PPFIA2: variants seen among roughly 807,000 people sequenced by gnomAD.
PPFIA2 encodes PPFI scaffold protein A2.
In PPFIA2, 46 loss-of-function variants were observed where a neutral mutation model predicts 175.5. The observed-to-expected ratio is 0.26, with a 90% CI of 0.21 to 0.34. The LOEUF is 0.34. Among genes scored for constraint, PPFIA2 ranks in the 10% least tolerant of loss-of-function variants. PPFIA2 has a pLI of 1.00. For synonymous variants in PPFIA2, 568 were observed against 511.4 expected, an observed-to-expected ratio of 1.11 and a Z score of -1.49; for missense variants, 1,179 against 1,506.1, an observed-to-expected ratio of 0.78 and a Z score of 3.60.
At chr12:81,724,179 A>AT (rs1341897524) in intron 3 of PPFIA2, among the ~76,000 whole-genome samples, 2 of 150,954 alleles carry the variant, frequency 1.3e-5, no homozygotes, top group Non-Finnish European at 3.0e-5. Context: ...CATATTTGAC[A>AT]TTGTTAATAG....
intron 3 of PPFIA2, among the ~76,000 whole-genome samples, chr12:81,710,598 G>T (rs977272651): frequency 6.6e-6 from 1 of 151,890 alleles, no homozygotes; most frequent in Non-Finnish European, 1.5e-5. Context: ...TAGGATTTTG[G>T]AATATTTACA....
At chr12:81,298,966 T>C (rs2047149521) in intron 23 of PPFIA2, among the ~76,000 whole-genome samples, 1 of 152,150 alleles carries the variant, frequency 6.6e-6, no homozygotes, top group Non-Finnish European at 1.5e-5. Flanking sequence ...GGGTCTTCTC[T>C]GTAACCTGCT....
At chr12:81,701,260 CTAAGTGTAGCTGCTG>C (rs1250803052) in intron 3 of PPFIA2, among the ~76,000 whole-genome samples, 1 of 152,140 alleles carries the variant, frequency 6.6e-6, no homozygotes. Flanking sequence ...TCACCTATAA[CTAAGTGTAGCTGCTG>C]TAACTGCTGC....
chr12:81,538,722 G>T (rs964832733), intron 4 of PPFIA2, among the ~76,000 whole-genome samples: 1 of 151,834 alleles, frequency 6.6e-6, no homozygotes, highest in Non-Finnish European at 1.5e-5. Flanking sequence ...CAGGATGGGG[G>T]CTGGTGCAGA....
intron 15 of PPFIA2, among the ~76,000 whole-genome samples, chr12:81,360,477 C>G (rs1444961675): frequency 6.6e-6 from 1 of 151,710 alleles, no homozygotes. Context: ...TTGTCCTTTC[C>G]AATTACCCAG....
At chr12:81,387,267 T>A (rs1035980943) in intron 8 of PPFIA2, among the ~76,000 whole-genome samples, 9 of 152,196 alleles carry the variant, frequency 5.9e-5, no homozygotes, top group African/African-American at 2.2e-4. Context: ...TTTATTTTAA[T>A]GTGACACTGA....
intron 17 of PPFIA2, 103 bp downstream of exon 17, chr12:81,353,016 A>T: frequency 1.0e-6 from 1 of 980,616 alleles, no homozygotes; most frequent in Non-Finnish European, 1.6e-6. Flanking sequence ...CAGATCTATT[A>T]AGCTCCCAGT....
At chr12:81,617,188 A>G (rs1392558799) in intron 4 of PPFIA2, among the ~76,000 whole-genome samples, 1 of 152,216 alleles carries the variant, frequency 6.6e-6, no homozygotes, top group Non-Finnish European at 1.5e-5. Flanking sequence ...CTCAAAAGAA[A>G]AGAAAAAACT....
At chr12:81,267,193 C>A (rs1593401698) in intron 29 of PPFIA2, 173 bp from the exon 30 acceptor site, 4 of 580,472 alleles carry the variant, frequency 6.9e-6, no homozygotes, top group Non-Finnish European at 9.2e-6. Context: ...ACAAAAAAAA[C>A]AGGGCTTTTT....
chr12:81,687,059 C>A (rs966409648), intron 3 of PPFIA2, among the ~76,000 whole-genome samples: 3 of 152,040 alleles, frequency 2.0e-5, no homozygotes, highest in Non-Finnish European at 1.5e-5. Context: ...TCGGCTGCAT[C>A]TGAAACTGTT....
At chr12:81,541,863 G>C (rs1211981206) in intron 4 of PPFIA2, among the ~76,000 whole-genome samples, 1 of 152,040 alleles carries the variant, frequency 6.6e-6, no homozygotes, top group East Asian at 1.9e-4. Flanking sequence ...ACTGATGCTG[G>C]GAGCCAGGCT....
At chr12:81,542,767 G>A (rs575406088) in intron 4 of PPFIA2, among the ~76,000 whole-genome samples, 6 of 152,010 alleles carry the variant, frequency 3.9e-5, no homozygotes, top group Non-Finnish European at 7.4e-5. Context: ...AGCCAGGAAT[G>A]TCTTTTTCAG....
intron 8 of PPFIA2, among the ~76,000 whole-genome samples, chr12:81,397,665 A>T (rs1431174027): frequency 3.3e-5 from 5 of 151,960 alleles, no homozygotes; most frequent in Non-Finnish European, 7.4e-5. Context: ...AACTTTGTAT[A>T]TTATAAGAAT....
At chr12:81,408,473 T>C (rs917800457) in intron 7 of PPFIA2, among the ~76,000 whole-genome samples, 5 of 152,154 alleles carry the variant, frequency 3.3e-5, no homozygotes, top group Admixed American at 1.3e-4. Flanking sequence ...AATTTAACTC[T>C]CAGCTTACAG....
intron 2 of PPFIA2, among the ~76,000 whole-genome samples, chr12:81,755,074 T>C (rs1294434095): frequency 1.3e-5 from 2 of 152,228 alleles, no homozygotes; most frequent in African/African-American, 4.8e-5. Context: ...CTCTTTCAAA[T>C]ATTCCGCAAA....
chr12:81,566,293 G>A (rs2071263335), intron 4 of PPFIA2, among the ~76,000 whole-genome samples: 1 of 152,092 alleles, frequency 6.6e-6, no homozygotes, highest in Non-Finnish European at 1.5e-5. Flanking sequence ...GGAGGCTGAG[G>A]CAGGTAGAGC....
intron 4 of PPFIA2, among the ~76,000 whole-genome samples, chr12:81,629,502 C>T (rs1361535424): frequency 6.6e-6 from 1 of 152,076 alleles, no homozygotes; most frequent in African/African-American, 2.4e-5. Context: ...CCCTCTCTTC[C>T]ACAGATTCAG....
chr12:81,665,732 A>G (rs1274635465), intron 4 of PPFIA2, among the ~76,000 whole-genome samples: 1 of 152,046 alleles, frequency 6.6e-6, no homozygotes, highest in Non-Finnish European at 1.5e-5. Context: ...GCAGACCAAA[A>G]GCAATGGCAA....
chr12:81,713,057 T>C (rs2078149303), intron 3 of PPFIA2, among the ~76,000 whole-genome samples: 2 of 151,276 alleles, frequency 1.3e-5, no homozygotes, highest in African/African-American at 4.8e-5. Context: ...TACAATTAAA[T>C]ATTATGCCAA....
Sources: gnomAD v4.1 joint callset for allele counts (sites outside exome capture counted in the v4.1 genomes callset) on GRCh38, gnomAD v4.1.1 for gene constraint, MANE v1.5 for transcripts, NCBI Gene and HGNC (gene_info 2026-07-23, HGNC 2026-07-21) for gene names.